Variants in LINGO2 observed in about 807,000 individuals in gnomAD.
LINGO2 encodes the protein leucine rich repeat and Ig domain containing 2.
Under a neutral mutation model 30.6 loss-of-function variants are expected in LINGO2, and 14 were observed. The ratio of observed to expected loss-of-function variants is 0.46; its 90% CI spans 0.30 to 0.72. The LOEUF (loss-of-function observed/expected upper bound fraction) is 0.72. LINGO2 is among the 30% of genes least tolerant of loss of function. The pLI, the probability that LINGO2 is intolerant of heterozygous loss-of-function variation, is 0.07. For synonymous variants in LINGO2, 317 were observed against 288.5 expected (o/e 1.10, Z -1.00); for missense variants, 729 against 751.7 (o/e 0.97, Z 0.35).
Position 28,490,142 on chromosome 9 carries a change from T to C in LINGO2, c.-364-14117A>G, listed in dbSNP as rs1564236791. On this transcript the variant is annotated intron_variant, in intron 1 of 5. Transcript: ENST00000379992. ...GAGCTGCTTTCGAATCCTACCCCAGTAGGTGGTTAAAACTTCTAGGTAGAG... is the reference window on the plus strand; with the variant it reads ...GAGCTGCTTTCGAATCCTACCCCAGCAGGTGGTTAAAACTTCTAGGTAGAG... Among the ~76,000 whole-genome samples the C allele has an allele frequency of 3.9e-5, 6 of 152,136 alleles. No homozygotes were observed. The South Asian group carries it at 1.0e-3, about 26-fold the overall frequency.
intron 4 of LINGO2, among the ~76,000 whole-genome samples, chr9:28,256,954 T>G (rs1390684513): frequency 6.6e-6 from 1 of 151,936 alleles, no homozygotes; most frequent in African/African-American, 2.4e-5. Flanking sequence ...TATTCTGCCT[T>G]TAAATCTATT....
At chr9:29,052,018 C>T in the LINGO2 span, among the ~76,000 whole-genome samples, 3 of 152,062 alleles carry the variant, frequency 2.0e-5, no homozygotes, top group Non-Finnish European at 4.4e-5. Context: ...TTGAACCATA[C>T]GAAATTGTTG....
the LINGO2 span, among the ~76,000 whole-genome samples, chr9:28,726,964 G>C: frequency 6.6e-6 from 1 of 151,998 alleles, no homozygotes; most frequent in Admixed American, 6.6e-5. Flanking sequence ...TAAATATATT[G>C]ATGGGAGATT....
chr9:28,226,604 GA>G (rs1381390775), intron 4 of LINGO2, among the ~76,000 whole-genome samples: 3 of 135,138 alleles, frequency 2.2e-5, no homozygotes, highest in Admixed American at 1.6e-4. Flanking sequence ...AAGAAAGAAA[GA>G]AAAAGGTAAG....
At chr9:28,198,128 A>G (rs1345497792) in intron 4 of LINGO2, among the ~76,000 whole-genome samples, 1 of 151,644 alleles carries the variant, frequency 6.6e-6, no homozygotes, top group Non-Finnish European at 1.5e-5. Context: ...CTACAGATAT[A>G]TATTTGAGGA....
intron 3 of LINGO2, among the ~76,000 whole-genome samples, chr9:28,331,254 T>C (rs1193915843): frequency 6.6e-6 from 1 of 152,022 alleles, no homozygotes; most frequent in Non-Finnish European, 1.5e-5. Context: ...GCCAAGAATA[T>C]AGAAGCAAAC....
intron 3 of LINGO2, among the ~76,000 whole-genome samples, chr9:28,348,628 G>C (rs7467164): frequency 1.4e-3 from 209 of 152,166 alleles, no homozygotes; most frequent in African/African-American, 4.9e-3. Context: ...CTGGAAGCTG[G>C]AACTGGGTGG....
At chr9:29,026,701 T>C in the LINGO2 span, among the ~76,000 whole-genome samples, 1 of 152,152 alleles carries the variant, frequency 6.6e-6, no homozygotes, top group African/African-American at 2.4e-5. Flanking sequence ...CTTTGTTTAA[T>C]CTTCACTAAT....
intron 3 of LINGO2, among the ~76,000 whole-genome samples, chr9:28,338,437 G>T (rs1825659323): frequency 1.3e-5 from 2 of 152,108 alleles, no homozygotes; most frequent in Non-Finnish European, 2.9e-5. Context: ...AGTTAATGCT[G>T]GAATGAGTTA....
chr9:28,898,486 G>T, the LINGO2 span, among the ~76,000 whole-genome samples: 1 of 152,090 alleles, frequency 6.6e-6, no homozygotes. Flanking sequence ...CCATGGTAGA[G>T]GATTAAAGGT....
chr9:28,349,848 C>T (rs534328625), intron 3 of LINGO2, among the ~76,000 whole-genome samples: 24 of 152,214 alleles, frequency 1.6e-4, no homozygotes, highest in South Asian at 4.2e-4. Flanking sequence ...CGATATTCAA[C>T]GTTCTTAAAG....
intron 1 of LINGO2, among the ~76,000 whole-genome samples, chr9:28,567,231 A>C (rs566856169): frequency 6.6e-6 from 1 of 152,222 alleles, no homozygotes; most frequent in East Asian, 1.9e-4. Context: ...AACAGTAGAA[A>C]ATTTCTCAAA....
chr9:28,314,334 T>C (rs1824754364), intron 3 of LINGO2, among the ~76,000 whole-genome samples: 1 of 152,190 alleles, frequency 6.6e-6, no homozygotes, highest in Non-Finnish European at 1.5e-5. Context: ...AACAAAAAGT[T>C]GATCAATAAA....
chr9:28,149,097 G>T, intron 4 of LINGO2: 1 of 1,531,960 alleles, frequency 6.5e-7, no homozygotes, highest in Non-Finnish European at 8.7e-7. Flanking sequence ...GCTTCCCAAA[G>T]AGAAGGACGC....
rs77332740 is a variant in LINGO2 at position 28,408,370 on chromosome 9, G to A, written c.-278-35502C>T. Among the ~76,000 whole-genome samples the A allele has an allele frequency of 3.5e-3, 535 of 152,154 alleles. 1 individual carries two copies. Among genetic ancestry groups the A allele is most frequent in the African/African-American group, 0.012 (514 of 41,520 alleles). On this transcript the variant is annotated intron_variant, in intron 2 of 5. Transcript: ENST00000379992. ...TATTATCACTATTATTAGTTTCAAC[G>A]TGGACTGGTAGATTTGGAAAAGCCT...
chr9:27,978,368 G>A (rs187453645), intron 5 of LINGO2, among the ~76,000 whole-genome samples: 2 of 152,042 alleles, frequency 1.3e-5, no homozygotes, highest in Non-Finnish European at 1.5e-5. Flanking sequence ...TTGCATTACT[G>A]CAAAATTTAT....
At chr9:28,552,376 T>C (rs552598389) in intron 1 of LINGO2, among the ~76,000 whole-genome samples, 2 of 152,248 alleles carry the variant, frequency 1.3e-5, no homozygotes, top group East Asian at 3.9e-4. Flanking sequence ...AAATACTTTG[T>C]TGCATACTTA....
At chr9:28,830,994 C>T in the LINGO2 span, among the ~76,000 whole-genome samples, 2 of 152,224 alleles carry the variant, frequency 1.3e-5, no homozygotes, top group Admixed American at 6.5e-5. Context: ...GCCTAGACTA[C>T]AATGGAGCTT....
intron 1 of LINGO2, among the ~76,000 whole-genome samples, chr9:28,527,301 C>T (rs980157255): frequency 6.6e-6 from 1 of 152,128 alleles, no homozygotes; most frequent in African/African-American, 2.4e-5. Flanking sequence ...CTGTTTCTGT[C>T]TGTAGTCATA....
Sources: allele counts gnomAD v4.1 joint callset (sites outside exome capture counted in the v4.1 genomes callset), GRCh38; gene constraint gnomAD v4.1.1; transcripts MANE v1.5; gene names NCBI Gene and HGNC (gene_info 2026-07-23, HGNC 2026-07-21).